The following ERC2 variants were observed in gnomAD, a reference collection of about 807,000 sequenced individuals.
The protein encoded by ERC2 is ELKS/RAB6-interacting/CAST family member 2, also known as ERC protein 2.
In ERC2, 42 loss-of-function variants were observed where a neutral mutation model predicts 114.8. That is an observed-to-expected ratio of 0.37 (90% confidence interval 0.29 to 0.47). The LOEUF is 0.47. ERC2 is among the 20% of genes least tolerant of loss of function. The probability of loss-of-function intolerance (pLI) is 0.99; values close to 1 mark genes in which losing one functional copy is unlikely to be tolerated. For synonymous variants in ERC2, 454 were observed against 425.5 expected, an observed-to-expected ratio of 1.07 and a Z score of -0.82; for missense variants, 939 against 1,150.7, an observed-to-expected ratio of 0.82 and a Z score of 2.66.
intron 3 of ERC2, among the ~76,000 whole-genome samples, chr3:56,268,980 C>G (rs2053493075): frequency 6.6e-6 from 1 of 151,982 alleles, no homozygotes; most frequent in South Asian, 2.1e-4. Flanking sequence ...TTCCTATTTT[C>G]TAGTAACAAT....
chr3:56,013,090 T>G, intron 8 of ERC2, among the ~76,000 whole-genome samples: 1 of 152,188 alleles, frequency 6.6e-6, no homozygotes. Context: ...GTTCCATCTC[T>G]TGAGCTTCTG....
chr3:56,262,849 T>C (rs978159057), intron 3 of ERC2, among the ~76,000 whole-genome samples: 1 of 152,242 alleles, frequency 6.6e-6, no homozygotes, highest in Non-Finnish European at 1.5e-5. Context: ...ATCTCCTTCA[T>C]AGGGATACAG....
intron 14 of ERC2, among the ~76,000 whole-genome samples, chr3:55,881,304 G>C (rs1159133070): frequency 6.6e-6 from 1 of 152,048 alleles, no homozygotes; most frequent in African/African-American, 2.4e-5. Flanking sequence ...AAATAATCCA[G>C]TGTATACAAA....
At chr3:55,846,335 T>C (rs560549002) in intron 14 of ERC2, among the ~76,000 whole-genome samples, 1 of 152,332 alleles carries the variant, frequency 6.6e-6, no homozygotes, top group South Asian at 2.1e-4. Flanking sequence ...TCTCATTCTT[T>C]TTTATGGCTA....
intron 7 of ERC2, among the ~76,000 whole-genome samples, chr3:56,034,085 C>T (rs1023014573): frequency 1.3e-5 from 2 of 152,138 alleles, no homozygotes; most frequent in African/African-American, 2.4e-5. Context: ...ATAGAAGACT[C>T]ACTTTAGCTT....
At chr3:56,036,257 A>G (rs1451626195) in intron 7 of ERC2, among the ~76,000 whole-genome samples, 5 of 152,202 alleles carry the variant, frequency 3.3e-5, no homozygotes, top group African/African-American at 1.2e-4. Flanking sequence ...TTAATACTCA[A>G]TGGAGAGAAG....
intron 14 of ERC2, among the ~76,000 whole-genome samples, chr3:55,746,850 T>C (rs1473320441): frequency 6.6e-6 from 1 of 152,180 alleles, no homozygotes; most frequent in African/African-American, 2.4e-5. Flanking sequence ...GCCACAGAGC[T>C]GGACAGCAAT....
chr3:56,026,057 CTTTTTTTTTTTTTTTT>C (rs59635680), intron 7 of ERC2, among the ~76,000 whole-genome samples: 1 of 69,210 alleles, frequency 1.4e-5, no homozygotes, highest in Non-Finnish European at 2.7e-5. Context: ...CCGTTTCTTT[CTTTTTTTTTTTTTTTT>C]TTTTTTTTTC....
chr3:55,685,722 T>G (rs1325577982), intron 16 of ERC2, among the ~76,000 whole-genome samples: 8 of 152,140 alleles, frequency 5.3e-5, no homozygotes, highest in Non-Finnish European at 1.2e-4. Context: ...GAATCGCTGC[T>G]GTAGAAAAAC....
intron 2 of ERC2, among the ~76,000 whole-genome samples, chr3:56,374,398 A>G (rs572443460): frequency 6.6e-6 from 1 of 151,782 alleles, no homozygotes; most frequent in Non-Finnish European, 1.5e-5. Flanking sequence ...CGCCTGGCCC[A>G]GTGTTTGTTT....
chr3:55,801,394 A>G (rs1313385134), intron 14 of ERC2, among the ~76,000 whole-genome samples: 3 of 152,216 alleles, frequency 2.0e-5, no homozygotes, highest in Non-Finnish European at 2.9e-5. Flanking sequence ...AAAGAGGTCC[A>G]AGAGGGATGT....
intron 15 of ERC2, among the ~76,000 whole-genome samples, chr3:55,724,077 A>C (rs752154015): frequency 6.6e-6 from 1 of 152,304 alleles, no homozygotes; most frequent in African/African-American, 2.4e-5. Context: ...CTAAAGAGAA[A>C]AAGGCTTTCC....
At chr3:55,727,518 A>G (rs1341662497) in intron 15 of ERC2, among the ~76,000 whole-genome samples, 1 of 152,198 alleles carries the variant, frequency 6.6e-6, no homozygotes, top group East Asian at 1.9e-4. Flanking sequence ...CCTTTATACC[A>G]TGCTCAGCCT....
At chr3:56,281,861 A>G (rs2054371041) in intron 3 of ERC2, among the ~76,000 whole-genome samples, 1 of 152,246 alleles carries the variant, frequency 6.6e-6, no homozygotes, top group African/African-American at 2.4e-5. Flanking sequence ...CAGAACAAAC[A>G]TCAGTACCCC....
At chr3:56,239,159 T>C (rs1023797416) in intron 3 of ERC2, among the ~76,000 whole-genome samples, 4 of 152,092 alleles carry the variant, frequency 2.6e-5, no homozygotes, top group African/African-American at 9.7e-5. Flanking sequence ...CTTTCTAAAA[T>C]ATACAAAGGG....
intron 6 of ERC2, among the ~76,000 whole-genome samples, chr3:56,137,143 G>C (rs1005032128): frequency 2.0e-5 from 3 of 152,150 alleles, no homozygotes; most frequent in African/African-American, 7.2e-5. Flanking sequence ...ATCAGTATAA[G>C]ATAGTGAGAA....
chr3:56,036,510 C>T (rs1056512608), intron 7 of ERC2, among the ~76,000 whole-genome samples: 3 of 152,098 alleles, frequency 2.0e-5, no homozygotes, highest in African/African-American at 7.2e-5. Flanking sequence ...AAGCAGCTGC[C>T]GTCAGCGGCA....
At chr3:55,796,479 G>A (rs938695436) in intron 14 of ERC2, among the ~76,000 whole-genome samples, 1 of 152,184 alleles carries the variant, frequency 6.6e-6, no homozygotes. Flanking sequence ...AGGCTGGAGT[G>A]CAGCAGTGTG....
At chr3:56,053,838 A>G (rs1380235964) in intron 7 of ERC2, among the ~76,000 whole-genome samples, 1 of 152,066 alleles carries the variant, frequency 6.6e-6, no homozygotes, top group Non-Finnish European at 1.5e-5. Context: ...AACCCTTAAA[A>G]CCAAAACTTC....
Sources: gnomAD v4.1 joint callset for allele counts (sites outside exome capture counted in the v4.1 genomes callset) on GRCh38, gnomAD v4.1.1 for gene constraint, MANE v1.5 for transcripts, NCBI Gene and HGNC (gene_info 2026-07-23, HGNC 2026-07-21) for gene names.